DACH1: variants seen among roughly 807,000 people sequenced by gnomAD.
DACH1 encodes the protein dachshund homolog 1.
In DACH1, 12 loss-of-function variants were observed where a neutral mutation model predicts 54.2. The observed-to-expected ratio is 0.22, with a 90% CI of 0.14 to 0.36. DACH1 has a LOEUF of 0.36. Ranked by LOEUF, DACH1 falls within the 10% of genes least tolerant of loss-of-function variation. DACH1 has a pLI of 1.00. For synonymous variants in DACH1, 386 were observed against 366.2 expected (o/e 1.05, Z -0.62); for missense variants, 805 against 929.8 (o/e 0.87, Z 1.75).
chr13:71,535,713 A>T (rs1242992711), intron 6 of DACH1, among the ~76,000 whole-genome samples: 1 of 151,980 alleles, frequency 6.6e-6, no homozygotes, highest in Non-Finnish European at 1.5e-5. Context: ...TCTTGATTTT[A>T]TATCTTTTTG....
chr13:71,496,375 A>T (rs1879444774), intron 6 of DACH1, among the ~76,000 whole-genome samples: 1 of 148,456 alleles, frequency 6.7e-6, no homozygotes, highest in Admixed American at 6.8e-5. Flanking sequence ...AAAATGGAAT[A>T]CTATTCAGCC....
intron 1 of DACH1, among the ~76,000 whole-genome samples, chr13:71,771,857 G>T (rs1441480887): frequency 6.6e-6 from 1 of 150,486 alleles, no homozygotes; most frequent in Non-Finnish European, 1.5e-5. Context: ...GTTACATAAA[G>T]GTGGGTTACC....
chr13:71,844,276 A>G (rs997550578), intron 1 of DACH1, among the ~76,000 whole-genome samples: 1 of 152,192 alleles, frequency 6.6e-6, no homozygotes, highest in South Asian at 2.1e-4. Context: ...TTGAAATGAC[A>G]TAAGGTCGTG....
intron 1 of DACH1, among the ~76,000 whole-genome samples, chr13:71,688,351 T>G (rs1473060385): frequency 6.6e-6 from 1 of 152,256 alleles, no homozygotes; most frequent in Non-Finnish European, 1.5e-5. Flanking sequence ...ACTTGTTAGT[T>G]GAACTTTTCC....
At chr13:71,603,412 G>A (rs1874648217) in intron 3 of DACH1, among the ~76,000 whole-genome samples, 2 of 151,954 alleles carry the variant, frequency 1.3e-5, no homozygotes, top group Admixed American at 1.3e-4. Flanking sequence ...AGGTTGTAAA[G>A]CCCCTTCTGA....
At chr13:71,726,289 A>C (rs1440349861) in intron 1 of DACH1, among the ~76,000 whole-genome samples, 1 of 152,178 alleles carries the variant, frequency 6.6e-6, no homozygotes, top group East Asian at 1.9e-4. Context: ...TAGTATCATT[A>C]CTGAGAGAAA....
intron 6 of DACH1, among the ~76,000 whole-genome samples, chr13:71,547,623 AG>A (rs773282296): frequency 3.0e-4 from 46 of 152,294 alleles, no homozygotes; most frequent in Non-Finnish European, 5.3e-4. Context: ...ATTAAGTGGT[AG>A]TAAGCAAGGA....
intron 9 of DACH1, 87 bp from the exon 10 acceptor site, chr13:71,475,296 G>A: frequency 9.1e-7 from 1 of 1,094,726 alleles, no homozygotes; most frequent in African/African-American, 1.6e-5. Flanking sequence ...TTACTTTGGT[G>A]CTGAATTAAA....
intron 4 of DACH1, among the ~76,000 whole-genome samples, chr13:71,561,710 G>C (rs981546049): frequency 5.3e-5 from 8 of 151,984 alleles, no homozygotes; most frequent in African/African-American, 1.9e-4. Flanking sequence ...TCTAAAATGG[G>C]ACCCAGACTT....
intron 1 of DACH1, among the ~76,000 whole-genome samples, chr13:71,762,058 A>G (rs1328570935): frequency 1.2e-4 from 19 of 152,166 alleles, no homozygotes. Flanking sequence ...CTACAACCTC[A>G]AAGTCTGTAT....
At chr13:71,703,086 T>C (rs2138755364) in intron 1 of DACH1, among the ~76,000 whole-genome samples, 1 of 152,332 alleles carries the variant, frequency 6.6e-6, no homozygotes, top group African/African-American at 2.4e-5. Flanking sequence ...AGGACTAATT[T>C]TCTTAATTGT....
chr13:71,863,798 A>G (rs1021768864), intron 1 of DACH1, among the ~76,000 whole-genome samples: 2 of 150,570 alleles, frequency 1.3e-5, no homozygotes, highest in Admixed American at 1.3e-4. Flanking sequence ...ACGTGTGTGT[A>G]TGTGAAATGG....
chr13:71,529,323 A>T (rs185773129), intron 6 of DACH1, among the ~76,000 whole-genome samples: 9 of 151,354 alleles, frequency 5.9e-5, no homozygotes, highest in African/African-American at 1.5e-4. Flanking sequence ...AGTAGCTGGG[A>T]CTGTGGGCGC....
chr13:71,688,196 C>G (rs1047188598), intron 1 of DACH1, among the ~76,000 whole-genome samples: 1 of 152,066 alleles, frequency 6.6e-6, no homozygotes, highest in Non-Finnish European at 1.5e-5. Flanking sequence ...TTAAATAAAC[C>G]TCAGGAAATA....
At chr13:71,536,145 A>G (rs1001308972) in intron 6 of DACH1, among the ~76,000 whole-genome samples, 1 of 152,096 alleles carries the variant, frequency 6.6e-6, no homozygotes, top group Admixed American at 6.6e-5. Context: ...TAAATTTATC[A>G]TCTCTTGAAA....
intron 1 of DACH1, among the ~76,000 whole-genome samples, chr13:71,857,272 T>C (rs1479668272): frequency 1.3e-5 from 2 of 151,828 alleles, no homozygotes; most frequent in African/African-American, 4.8e-5. Flanking sequence ...AATATTTAAG[T>C]ATAAACTACT....
intron 1 of DACH1, among the ~76,000 whole-genome samples, chr13:71,795,144 C>T (rs947884171): frequency 2.0e-5 from 3 of 151,882 alleles, no homozygotes; most frequent in African/African-American, 7.3e-5. Context: ...TCTAGATTTG[C>T]TTCTCCACTT....
chr13:71,657,504 A>G (rs1046900098), intron 2 of DACH1, among the ~76,000 whole-genome samples: 1 of 151,628 alleles, frequency 6.6e-6, no homozygotes, highest in Non-Finnish European at 1.5e-5. Flanking sequence ...CTGTCTCAAG[A>G]AGAAAAAAAG....
intron 6 of DACH1, among the ~76,000 whole-genome samples, chr13:71,556,607 C>T (rs1470362890): frequency 6.6e-6 from 1 of 152,084 alleles, no homozygotes; most frequent in Non-Finnish European, 1.5e-5. Context: ...AAATATATTT[C>T]TGTTTCCTTA....
Sources: allele counts gnomAD v4.1 joint callset (sites outside exome capture counted in the v4.1 genomes callset), GRCh38; gene constraint gnomAD v4.1.1; transcripts MANE v1.5; gene names NCBI Gene and HGNC (gene_info 2026-07-23, HGNC 2026-07-21).